The following PHLDB2 variants were observed in gnomAD, a reference collection of about 807,000 sequenced individuals.
The protein encoded by PHLDB2 is pleckstrin homology-like domain family B member 2.
PHLDB2 carries 71 observed loss-of-function variants against 123.6 expected under a neutral mutation model. That is an observed-to-expected ratio of 0.57 (90% CI 0.47 to 0.70). The LOEUF (loss-of-function observed/expected upper bound fraction) is 0.70. Ranked by LOEUF, PHLDB2 falls within the 30% of genes least tolerant of loss-of-function variation. The pLI, the probability that PHLDB2 is intolerant of heterozygous loss-of-function variation, is 0.00. For synonymous variants in PHLDB2, 547 were observed against 541.6 expected, an observed-to-expected ratio of 1.01 and a Z score of -0.14; for missense variants, 1,446 against 1,519.5, an observed-to-expected ratio of 0.95 and a Z score of 0.80.
In PHLDB2 at chr3:111,885,437, G is replaced by A. The variant is rs1044600622; in HGVS notation, c.1335+25G>A. 8 of 1,613,478 alleles carry A rather than the reference G, an allele frequency of 5.0e-6. No individual in the cohort carries two copies. In the East Asian group the frequency reaches 1.8e-4, roughly 36 times the overall value. On this transcript the variant is annotated intron_variant, in intron 2 of 17. Transcript: ENST00000431670. ...GGTAATCTTCATCTCAACAGTGATTGACCTCACTGTTTCATTAACCAGCAT... is the reference window on the plus strand; with the variant it reads ...GGTAATCTTCATCTCAACAGTGATTAACCTCACTGTTTCATTAACCAGCAT...
At chr3:111,864,356 A>C (rs528569293) in intron 1 of PHLDB2, among the ~76,000 whole-genome samples, 2 of 152,380 alleles carry the variant, frequency 1.3e-5, no homozygotes, top group African/African-American at 4.8e-5. Flanking sequence ...TGTCTTTTAA[A>C]AATAAATGAA....
In PHLDB2 at chr3:111,940,663, A is replaced by G; in HGVS notation, c.2397+18A>G. 6.9e-7 allele frequency: 1 copy of G among 1,447,880 alleles called. No homozygotes were observed. Among genetic ancestry groups the G allele is most frequent in the Non-Finnish European group, 9.5e-7 (1 of 1,057,174 alleles). The allele number at this position is 1,447,880 out of a possible 1,614,324, so 89.7% of individuals were successfully genotyped here. ...TGCAAAGAGTAAGTATTTCCTTTTC[A>G]GCACTGGCTACAGTAAAACATAGGT... On this transcript the variant is annotated intron_variant, in intron 8 of 17. Transcript: ENST00000431670.
intron 13 of PHLDB2, among the ~76,000 whole-genome samples, chr3:111,963,879 C>G (rs116362764): frequency 6.6e-6 from 1 of 152,156 alleles, no homozygotes. Flanking sequence ...AATACACATT[C>G]CAAACATTGG....
intron 5 of PHLDB2, among the ~76,000 whole-genome samples, chr3:111,925,982 G>A (rs2068792204): frequency 6.6e-6 from 1 of 152,186 alleles, no homozygotes; most frequent in South Asian, 2.1e-4. Context: ...TTCAGTAGAC[G>A]TGCTGAGGGG....
rs1317777921 is a variant in PHLDB2, at chr3:111,884,635, T to G, written c.558T>G (p.Ser186Arg). ...LLAMWNGSSL[S>R]DAGPPPISRS... ...CCATGTGGAATGGAAGTTCCCTGAG[T>G]GATGCTGGCCCGCCTCCTATCAGCA... is the stretch of plus-strand genomic sequence containing the variant. The change falls in exon 2 of 18, where the codon AGT becomes AGG. Residue 186 changes from serine to arginine, a missense_variant. Physicochemically the swap from Ser to Arg is moderately radical, Grantham distance 110 (BLOSUM62 -1). Transcript: ENST00000431670. The G allele has an allele frequency of 1.6e-5, 26 of 1,613,946 alleles. No homozygotes were observed. The highest frequency in any genetic ancestry group is 1.8e-5 in the Non-Finnish European group (21 of 1,180,016).
chr3:111,946,854 G>T (rs2070345651), intron 9 of PHLDB2, among the ~76,000 whole-genome samples: 1 of 152,228 alleles, frequency 6.6e-6, no homozygotes, highest in African/African-American at 2.4e-5. Context: ...CAGGGAAATT[G>T]TTGTGGAGAT....
chr3:111,781,144 C>T (rs2060459644), intron 1 of PHLDB2, among the ~76,000 whole-genome samples: 1 of 151,992 alleles, frequency 6.6e-6, no homozygotes, highest in Non-Finnish European at 1.5e-5. Flanking sequence ...ATGGGCCAGT[C>T]ATGGAGTGAT....
intron 1 of PHLDB2, among the ~76,000 whole-genome samples, chr3:111,752,361 T>C (rs888278320): frequency 2.0e-5 from 3 of 152,116 alleles, no homozygotes; most frequent in African/African-American, 7.2e-5. Context: ...TTTAATGGAA[T>C]TTGTGAAGTC....
Position 111,967,664 on chromosome 3 carries a change from T to C in PHLDB2, c.3169-14T>C. On this transcript the variant is annotated splice_polypyrimidine_tract_variant and intron_variant, in intron 14 of 17. Coordinates refer to ENST00000431670, the MANE Select transcript of PHLDB2 (RefSeq NM_001134438.2). ...GTATGTTTTAAAATAATCATTGTTA[T>C]GCATAATGTTTAGGAACGGGAAATG... 5 of 1,596,974 alleles carry C rather than the reference T, an allele frequency of 3.1e-6. No homozygotes were observed. Among genetic ancestry groups the C allele is most frequent in the Non-Finnish European group, 4.3e-6 (5 of 1,174,342 alleles).
Position 111,969,771 on chromosome 3 carries a change from A to G in PHLDB2, c.3397A>G (p.Ile1133Val). The G allele has an allele frequency of 6.2e-7, 1 of 1,614,060 alleles. No individual in the cohort carries two copies. The highest frequency in any genetic ancestry group is 8.5e-7 in the Non-Finnish European group (1 of 1,179,932). Residue 1133 changes from isoleucine (I) to valine (V), a missense_variant, in exon 16 of 18, where the codon ATT becomes GTT. Physicochemically the swap from Ile to Val is conservative, Grantham distance 29. This residue lies in a region of PHLDB2 where 594 missense variants were observed against 646.0 expected (regional missense o/e 0.92). Coordinates refer to ENST00000431670, the MANE Select transcript of PHLDB2 (RefSeq NM_001134438.2). ...CCATGTAGAGACTGCTGGCCACAAT[A>G]TTGACACCTGTTACCATGTATCAAT... The part of the protein sequence containing the change: ...RSHVETAGHN[I>V]DTCYHVSITE...
rs1385943341 is a variant in PHLDB2, at chr3:111,962,171, C to A, written c.2936C>A (p.Ala979Glu). Residue 979 changes from alanine (A) to glutamate (E), a missense_variant, in exon 13 of 18, where the codon GCA becomes GAA. By Grantham distance (107) the Ala-to-Glu change is moderately radical. This residue lies in a region of PHLDB2 where 594 missense variants were observed against 646.0 expected (regional missense o/e 0.92). Coordinates refer to ENST00000431670, the MANE Select transcript of PHLDB2 (RefSeq NM_001134438.2). The stretch of plus-strand genomic sequence containing the variant: ...AAATCTGAATTTTATAACCGCACAG[C>A]ATCTGAATCAAATGTCTACTTGAAT... ...RQKSEFYNRT[A>E]SESNVYLNSF... is the part of the protein sequence containing the mutation. 6.3e-7 allele frequency: 1 copy of A among 1,585,450 alleles called. No individual in the cohort carries two copies. Among genetic ancestry groups the A allele is most frequent in the Non-Finnish European group, 8.5e-7 (1 of 1,172,046 alleles).
intron 1 of PHLDB2, among the ~76,000 whole-genome samples, chr3:111,784,416 T>C (rs1188795377): frequency 6.6e-6 from 1 of 152,178 alleles, no homozygotes; most frequent in Non-Finnish European, 1.5e-5. Flanking sequence ...ACCAGAAGTG[T>C]CATGCAGTGT....
chr3:111,811,631 T>C (rs2061840503), intron 1 of PHLDB2, among the ~76,000 whole-genome samples: 1 of 152,084 alleles, frequency 6.6e-6, no homozygotes, highest in Admixed American at 6.5e-5. Flanking sequence ...AGGTAATCAA[T>C]AGATTCCTCA....
At chr3:111,849,160 G>A (rs551917104) in intron 2 of PHLDB2, among the ~76,000 whole-genome samples, 2 of 152,174 alleles carry the variant, frequency 1.3e-5, no homozygotes, top group Non-Finnish European at 1.5e-5. Context: ...AAGTTCTGGA[G>A]TTTGTTTCTT....
chr3:111,752,951 A>C (rs1167575986), intron 1 of PHLDB2, among the ~76,000 whole-genome samples: 1 of 152,018 alleles, frequency 6.6e-6, no homozygotes, highest in Non-Finnish European at 1.5e-5. Flanking sequence ...TTCCAATTTC[A>C]TCCATGTCCC....
chr3:111,762,295 T>A (rs752113390), intron 1 of PHLDB2, among the ~76,000 whole-genome samples: 4 of 152,246 alleles, frequency 2.6e-5, no homozygotes, highest in Non-Finnish European at 5.9e-5. Flanking sequence ...CAATAGCTCA[T>A]GTATAGTAAG....
intron 1 of PHLDB2, among the ~76,000 whole-genome samples, chr3:111,771,652 T>C (rs1023505686): frequency 6.6e-6 from 1 of 152,212 alleles, no homozygotes; most frequent in Non-Finnish European, 1.5e-5. Flanking sequence ...TGCCTTCATC[T>C]TTATATGGCA....
At chr3:111,874,418 A>G (rs190381284) in intron 1 of PHLDB2, among the ~76,000 whole-genome samples, 36 of 152,358 alleles carry the variant, frequency 2.4e-4, no homozygotes, top group African/African-American at 8.2e-4. Context: ...AGCCTGATTT[A>G]TATTAGTTAC....
At chr3:111,857,160 G>A (rs1413528252), upstream of PHLDB2, among the ~76,000 whole-genome samples, 1 of 152,088 alleles carries the variant, frequency 6.6e-6, no homozygotes, top group African/African-American at 2.4e-5. Context: ...GTGATAAAGG[G>A]GAAGTAGGAG....
Sources: allele counts gnomAD v4.1 joint callset (sites outside exome capture counted in the v4.1 genomes callset), GRCh38; gene constraint gnomAD v4.1.1; regional missense constraint gnomAD v4.1.1; transcripts MANE v1.5; gene names NCBI Gene and HGNC (gene_info 2026-07-23, HGNC 2026-07-21).